AATK: variants seen among roughly 807,000 people sequenced by gnomAD.
The protein encoded by AATK is lemur tail kinase 1.
AATK carries 91 observed loss-of-function variants against 114.3 expected under a neutral mutation model. That is an observed-to-expected ratio of 0.80 (90% CI 0.67 to 0.95). The LOEUF (loss-of-function observed/expected upper bound fraction) is 0.95. Among genes scored for constraint, AATK ranks in the 40% least tolerant of loss-of-function variants. The pLI, the probability that AATK is intolerant of heterozygous loss-of-function variation, is 0.00. For missense variants in AATK, 2,176 were observed against 1,965.2 expected (o/e 1.11, Z -2.03); for synonymous variants, 1,075 against 916.5 (o/e 1.17, Z -3.12).
At chr17:81,124,244 T>C (rs11868222) in intron 9 of AATK, among the ~76,000 whole-genome samples, 38,446 of 151,032 alleles carry the variant, frequency 0.25, 4,979 homozygotes, top group South Asian at 0.34. Flanking sequence ...CCCTGGCGGC[T>C]CGGCCCTGCC....
chr17:81,120,431 C>T lies in AATK; in HGVS notation c.3505G>A (p.Asp1169Asn), dbSNP rs746857718. The change falls in exon 11 of 14, where the codon GAC becomes AAC. Residue 1169 changes from aspartate to asparagine, a missense_variant. Transcript: ENST00000326724. The stretch of plus-strand genomic sequence containing the variant: ...CAGCGGAGCTCCTCGTCAGACTCGT[C>T]GCTGTCCTCACTGTCCTCCTCCTCC... ...EEEEEDSEDS[D>N]ESDEELRCYS... is the part of the protein sequence containing the mutation. 1.3e-6 allele frequency: 2 copies of T among 1,579,112 alleles called. No homozygotes were observed. The highest frequency in any genetic ancestry group is 1.1e-5 in the South Asian group (1 of 87,530).
chr17:81,149,391 G>A (rs980284221), intron 1 of AATK, among the ~76,000 whole-genome samples: 3 of 151,682 alleles, frequency 2.0e-5, no homozygotes, highest in African/African-American at 4.9e-5. Flanking sequence ...TGCCCTCCCC[G>A]GCCTGTGGGA....
At chr17:81,153,833 G>A (rs2061327868) in intron 1 of AATK, among the ~76,000 whole-genome samples, 1 of 152,188 alleles carries the variant, frequency 6.6e-6, no homozygotes, top group Non-Finnish European at 1.5e-5. Flanking sequence ...CACTTTGGGA[G>A]GCTGAGGCAG....
intron 1 of AATK, among the ~76,000 whole-genome samples, chr17:81,137,492 C>T (rs960425665): frequency 7.9e-5 from 12 of 152,120 alleles, no homozygotes; most frequent in Non-Finnish European, 1.5e-4. Flanking sequence ...AGTGCACCCA[C>T]CGCCGCCTCT....
intron 2 of AATK, among the ~76,000 whole-genome samples, chr17:81,132,216 C>G (rs1305428548): frequency 6.6e-6 from 1 of 152,242 alleles, no homozygotes; most frequent in African/African-American, 2.4e-5. Context: ...TCCTCACAAC[C>G]CCCAGTGCCC....
At chr17:81,133,462 G>A (rs774777124) in intron 2 of AATK, 20 of 285,596 alleles carry the variant, frequency 7.0e-5, no homozygotes, top group Non-Finnish European at 1.2e-4. Flanking sequence ...TGCTGTGCGC[G>A]CTGCAGAATG....
intron 3 of AATK, among the ~76,000 whole-genome samples, chr17:81,129,862 G>A (rs988340437): frequency 5.3e-5 from 8 of 152,194 alleles, no homozygotes; most frequent in South Asian, 2.1e-4. Context: ...GCAGTCCTCC[G>A]CGCCCGCCCA....
rs888058516 is a variant in AATK at position 81,126,303 on chromosome 17, G to A, written c.755+124C>T. 13 of 1,239,476 alleles carry A rather than the reference G, an allele frequency of 1.0e-5. No homozygotes were observed. The highest frequency in any genetic ancestry group is 1.4e-5 in the Non-Finnish European group (13 of 914,634). 76.8% of individuals were successfully genotyped at this position (1,239,476 alleles called of 1,614,324 possible). Reference sequence around the variant, plus strand: ...TCCCTCTGCATAGTGGTTGTCTGATGCTGCATGAGATGAACCTGGCCGGTC... The same window carrying A: ...TCCCTCTGCATAGTGGTTGTCTGATACTGCATGAGATGAACCTGGCCGGTC... On this transcript the variant is annotated intron_variant, in intron 7 of 13. Transcript: ENST00000326724. The surrounding 1 kb of genome is among the most constrained non-coding windows in gnomAD (Gnocchi z 5.1).
At chr17:81,163,592 T>C (rs2061450212) in intron 1 of AATK, among the ~76,000 whole-genome samples, 2 of 152,168 alleles carry the variant, frequency 1.3e-5, no homozygotes, top group South Asian at 4.1e-4. Context: ...GTCAGGGAGA[T>C]GGGGGAAGAG....
rs1567819686 is a variant in AATK at position 81,140,833 on chromosome 17, CGTGGGGCCGTG to C, written c.56-6343_56-6333del. ...GCTGTGAGCCGTGGGGCCGGGAGACCGTGGGGCCGTGAGCCGTGGGGCTGTGGGGCCGTGAG... is the reference window on the plus strand; with the variant it reads ...GCTGTGAGCCGTGGGGCCGGGAGACCAGCCGTGGGGCTGTGGGGCCGTGAG... On this transcript the variant is annotated intron_variant, in intron 1 of 13. Coordinates refer to ENST00000326724, the MANE Select transcript of AATK (RefSeq NM_001080395.3). Among the ~76,000 whole-genome samples, 79 of 61,782 alleles carry C rather than the reference CGTGGGGCCGTG, an allele frequency of 1.3e-3. 5 individuals are homozygous for C. Among genetic ancestry groups the C allele is most frequent in the African/African-American group, 5.4e-3 (73 of 13,636 alleles). The allele number at this position is 61,782 out of a possible 152,430, so 40.5% of individuals were successfully genotyped here.
chr17:81,122,915 T>C lies in AATK; in HGVS notation c.1113-92A>G. The C allele has an allele frequency of 2.5e-6, 3 of 1,183,068 alleles. No individual in the cohort carries two copies. The South Asian group carries it at 5.2e-5, about 21-fold the overall frequency. The allele number at this position is 1,183,068 out of a possible 1,614,324, so 73.3% of individuals were successfully genotyped here. ...GGATGGGGGTTCCCCTAACTCCCAG[T>C]GTCTTGGGGGCATTAAGGGTATCTC... On this transcript the variant is annotated intron_variant, in intron 10 of 13. Transcript: ENST00000326724.
chr17:81,165,803 C>T lies in AATK; in HGVS notation c.55+135G>A, dbSNP rs1039476417. The T allele has an allele frequency of 1.1e-5, 17 of 1,499,544 alleles. 1 individual carries two copies. Among genetic ancestry groups the T allele is most frequent in the Admixed American group, 4.3e-5 (2 of 47,020 alleles). 92.9% of individuals were successfully genotyped at this position (1,499,544 alleles called of 1,614,324 possible). On this transcript the variant is annotated intron_variant, in intron 1 of 13. Coordinates refer to ENST00000326724, the MANE Select transcript of AATK (RefSeq NM_001080395.3). Reference sequence around the variant, plus strand: ...CGAGATCTGGGGCCGCCAGGGGGTCCGGCTGCTTCTGCTGCTGGGCTCGGG... The same window carrying T: ...CGAGATCTGGGGCCGCCAGGGGGTCTGGCTGCTTCTGCTGCTGGGCTCGGG...
At chr17:81,128,935 C>T (rs1480485983) in intron 3 of AATK, 1 of 1,100,134 alleles carries the variant, frequency 9.1e-7, no homozygotes, top group Non-Finnish European at 1.1e-6. Context: ...TGGAGCGGCC[C>T]ACCCCCACCC....
At chr17:81,160,423 C>A (rs1451407002) in intron 1 of AATK, 1 of 180,402 alleles carries the variant, frequency 5.5e-6, no homozygotes, top group African/African-American at 2.4e-5. Flanking sequence ...CTCAGAGGTG[C>A]CTGGGAACTG....
At chr17:81,123,076 G>T in intron 10 of AATK, 118 bp downstream of exon 10, 1 of 1,202,040 alleles carries the variant, frequency 8.3e-7, no homozygotes. Context: ...CCTACCAGAG[G>T]GGAGGGGAGA....
At chr17:81,128,991 G>A (rs947908121) in intron 3 of AATK, 28 of 933,808 alleles carry the variant, frequency 3.0e-5, no homozygotes, top group Non-Finnish European at 3.7e-5. Context: ...AGGCTCCTTT[G>A]TTGGGGGCTG....
Position 81,119,598 on chromosome 17 carries a change from G to C in AATK, c.3884-18C>G, listed in dbSNP as rs937865628. ...CCCACCACCTGCAGCCCAGGTCGCG[G>C]CGTCACTCGCGCTCACAGCCTGGGA... On this transcript the variant is annotated intron_variant, in intron 12 of 13. Transcript: ENST00000326724. 1 of 1,542,014 alleles carries C rather than the reference G, an allele frequency of 6.5e-7. No individual in the cohort carries two copies. The highest frequency in any genetic ancestry group is 1.2e-5 in the South Asian group (1 of 83,810).
In AATK at chr17:81,121,045, G is replaced by A. The variant is rs773881001; in HGVS notation, c.2891C>T (p.Ala964Val). The A allele has an allele frequency of 9.1e-5, 146 of 1,609,198 alleles. No homozygotes were observed. Among genetic ancestry groups the A allele is most frequent in the Admixed American group, 1.8e-4 (11 of 59,642 alleles). ...GCCCTCACCCTCTGAGGCCAGCTCCGCAAAGGCCTGGGGCTCACACCCTTC... is the reference window on the plus strand; with the variant it reads ...GCCCTCACCCTCTGAGGCCAGCTCCACAAAGGCCTGGGGCTCACACCCTTC... ...AQEGCEPQAF[A>V]ELASEGEGPG... Residue 964 changes from alanine to valine, a missense_variant, in exon 11 of 14, where the codon GCG becomes GTG. This residue lies in a region of AATK where 1,701 missense variants were observed against 1,394.7 expected (regional missense o/e 1.22). Coordinates refer to ENST00000326724, the MANE Select transcript of AATK (RefSeq NM_001080395.3).
At position 81,121,580 on chromosome 17, in the gene AATK, C is replaced by T. The variant is rs776458955; in HGVS notation, c.2356G>A (p.Ala786Thr). Residue 786 changes from alanine to threonine, a missense_variant, in exon 11 of 14, where the codon GCT becomes ACT. Around this residue, in one of 4 missense-constraint regions of AATK, gnomAD observed 1,701 missense variants for 1,394.7 expected, o/e 1.22. Transcript: ENST00000326724. ...AGGCGGGGTCCGGTAGTGCCCTCAGCCTCCGTGGCAAGCTTGGGCTCTGCC... is the reference window on the plus strand; with the variant it reads ...AGGCGGGGTCCGGTAGTGCCCTCAGTCTCCGTGGCAAGCTTGGGCTCTGCC... ...PQAEPKLATE[A>T]EGTTGPRLPL... 1 of 1,509,238 alleles carries T rather than the reference C, an allele frequency of 6.6e-7. No individual in the cohort carries two copies. The highest frequency in any genetic ancestry group is 8.9e-7 in the Non-Finnish European group (1 of 1,129,192). The allele number at this position is 1,509,238 out of a possible 1,614,324, so 93.5% of individuals were successfully genotyped here. A position where few individuals can be genotyped will look rare whatever the true frequency, so the allele number is the denominator to read the frequency against.
Sources: allele counts gnomAD v4.1 joint callset (sites outside exome capture counted in the v4.1 genomes callset), GRCh38; gene constraint gnomAD v4.1.1; regional missense constraint gnomAD v4.1.1; non-coding constraint Gnocchi (gnomAD v3.1); transcripts MANE v1.5; gene names NCBI Gene and HGNC (gene_info 2026-07-23, HGNC 2026-07-21).